CDC14A: variants seen among roughly 807,000 people sequenced by gnomAD.
CDC14A encodes dual specificity protein phosphatase CDC14A.
Under a neutral mutation model 74.4 loss-of-function variants are expected in CDC14A, and 53 were observed. That is an observed-to-expected ratio of 0.71 (90% CI 0.57 to 0.89). The LOEUF (loss-of-function observed/expected upper bound fraction) is 0.89. Among genes scored for constraint, CDC14A ranks in the 40% least tolerant of loss-of-function variants. The pLI is 0.00. For missense variants in CDC14A, 646 were observed against 713.7 expected, an observed-to-expected ratio of 0.91 and a Z score of 1.08; for synonymous variants, 247 against 258.4, an observed-to-expected ratio of 0.96 and a Z score of 0.43.
intron 3 of CDC14A, among the ~76,000 whole-genome samples, chr1:100,389,166 G>A (rs1287648435): frequency 8.5e-6 from 1 of 117,616 alleles, no homozygotes; most frequent in East Asian, 2.4e-4. Context: ...GGGTGACAGA[G>A]CAAGACCCTG....
At chr1:100,354,095 A>C (rs1056701180) in intron 2 of CDC14A, among the ~76,000 whole-genome samples, 14 of 152,182 alleles carry the variant, frequency 9.2e-5, no homozygotes, top group African/African-American at 2.9e-4. Context: ...ACCACAACAA[A>C]CAGCAACTGG....
In CDC14A at chr1:100,383,148, G is replaced by C. The variant is rs540998015; in HGVS notation, c.216+5527G>C. On this transcript the variant is annotated intron_variant, in intron 3 of 15. Transcript: ENST00000336454. Reference sequence around the variant, plus strand: ...CAAAGCAATGTCAACTCCCATAGGAGCGAGCATATACCGAGTTTGCAAGGC... The same window carrying C: ...CAAAGCAATGTCAACTCCCATAGGACCGAGCATATACCGAGTTTGCAAGGC... Among the ~76,000 whole-genome samples the C allele has an allele frequency of 2.0e-5, 3 of 152,286 alleles. No individual in the cohort carries two copies. The South Asian group carries it at 6.2e-4, about 32-fold the overall frequency.
At position 100,352,880 on chromosome 1, in the gene CDC14A, A is replaced by C. The variant is rs1651273506; in HGVS notation, c.-75A>C. On this transcript the variant is annotated 5_prime_UTR_variant, in exon 1 of 16. Transcript: ENST00000336454. ...ACTGTGAGCTTCCTGGCTCCTGGGC[A>C]GTGGGGAAGCCCCCGGGGGCGAGTG... 6.2e-7 allele frequency: 1 copy of C among 1,609,024 alleles called. No individual in the cohort carries two copies. The highest frequency in any genetic ancestry group is 8.5e-7 in the Non-Finnish European group (1 of 1,178,346).
chr1:100,441,374 C>G (rs985272868), intron 6 of CDC14A, among the ~76,000 whole-genome samples: 4 of 152,128 alleles, frequency 2.6e-5, no homozygotes, highest in African/African-American at 4.8e-5. Flanking sequence ...CATAAGGCAC[C>G]ATATTCTGGG....
At chr1:100,399,078 A>G (rs1658916789) in intron 4 of CDC14A, among the ~76,000 whole-genome samples, 1 of 152,320 alleles carries the variant, frequency 6.6e-6, no homozygotes, top group East Asian at 1.9e-4. Flanking sequence ...TTCCCTTACA[A>G]TTAAAAAAAC....
chr1:100,474,546 A>G (rs1668704231), intron 10 of CDC14A, among the ~76,000 whole-genome samples: 1 of 151,326 alleles, frequency 6.6e-6, no homozygotes, highest in African/African-American at 2.4e-5. Context: ...GAATTATGGT[A>G]GTTTGTTTTT....
chr1:100,515,693 C>T (rs7535332), intron 15 of CDC14A, among the ~76,000 whole-genome samples: 135,379 of 152,182 alleles, frequency 0.89, 62,112 homozygotes, highest in Non-Finnish European at 1. Flanking sequence ...CTTAGTGCAT[C>T]TGTATTAAGA....
In CDC14A at chr1:100,434,248, G is replaced by A. The variant is rs148681953; in HGVS notation, c.390-5684G>A. Among the ~76,000 whole-genome samples, 262 of 152,280 alleles carry A rather than the reference G, an allele frequency of 1.7e-3. 3 individuals carry two copies. In the East Asian group the frequency reaches 0.022, roughly 13 times the overall value. On this transcript the variant is annotated intron_variant, in intron 5 of 15. Coordinates refer to ENST00000336454, the MANE Select transcript of CDC14A (RefSeq NM_003672.4). ...TAGAAAGATAGAATTGTGGCCAGGC[G>A]TGGTGGTTTGAAGGTTGAGGAGGGT...
At chr1:100,396,117 G>T (rs1658438992) in intron 4 of CDC14A, among the ~76,000 whole-genome samples, 2 of 152,132 alleles carry the variant, frequency 1.3e-5, no homozygotes, top group African/African-American at 2.4e-5. Flanking sequence ...TTTGTTCGTC[G>T]CTGTGTGTGG....
rs537442810 is a variant in CDC14A at position 100,372,426 on chromosome 1, A to G, written c.141-5120A>G. On this transcript the variant is annotated intron_variant, in intron 2 of 15. Transcript: ENST00000336454. Reference sequence around the variant, plus strand: ...GTTAATCCTCTCAAACCCTGGGGCTACTTTATCAACTAAGTATGTGTAACA... The same window carrying G: ...GTTAATCCTCTCAAACCCTGGGGCTGCTTTATCAACTAAGTATGTGTAACA... Among the ~76,000 whole-genome samples the G allele has an allele frequency of 2.0e-4, 30 of 152,334 alleles. 1 individual carries two copies. The East Asian group carries it at 4.8e-3, about 24-fold the overall frequency.
intron 15 of CDC14A, among the ~76,000 whole-genome samples, chr1:100,514,866 T>C (rs1363618466): frequency 6.6e-6 from 1 of 152,218 alleles, no homozygotes; most frequent in Non-Finnish European, 1.5e-5. Flanking sequence ...CGAAAATCAA[T>C]AGCAATAATA....
chr1:100,486,836 A>G (rs979054117), intron 11 of CDC14A, among the ~76,000 whole-genome samples: 2 of 152,212 alleles, frequency 1.3e-5, no homozygotes, highest in Non-Finnish European at 2.9e-5. Flanking sequence ...GGGCCCTAGG[A>G]CTACTTTATT....
At chr1:100,415,470 A>C (rs1326226466) in intron 4 of CDC14A, among the ~76,000 whole-genome samples, 1 of 152,206 alleles carries the variant, frequency 6.6e-6, no homozygotes, top group African/African-American at 2.4e-5. Flanking sequence ...ATGTCTATAG[A>C]GACCTGATGT....
At chr1:100,473,926 C>G (rs1557800087) in intron 10 of CDC14A, among the ~76,000 whole-genome samples, 1 of 152,026 alleles carries the variant, frequency 6.6e-6, no homozygotes, top group Non-Finnish European at 1.5e-5. Flanking sequence ...TGTCGTGCTC[C>G]CAGTCTTGGA....
At chr1:100,420,721 C>T (rs1030254387) in intron 4 of CDC14A, among the ~76,000 whole-genome samples, 5 of 152,016 alleles carry the variant, frequency 3.3e-5, no homozygotes, top group Admixed American at 2.0e-4. Context: ...CATGGTGGTA[C>T]CTACGGCAGA....
chr1:100,357,921 T>C (rs1050957496), intron 2 of CDC14A, among the ~76,000 whole-genome samples: 3 of 152,226 alleles, frequency 2.0e-5, no homozygotes, highest in Admixed American at 1.3e-4. Flanking sequence ...CATTCCATGA[T>C]TGAAATGTCA....
intron 4 of CDC14A, among the ~76,000 whole-genome samples, chr1:100,401,796 T>A (rs1433515356): frequency 6.6e-6 from 1 of 152,134 alleles, no homozygotes; most frequent in Non-Finnish European, 1.5e-5. Flanking sequence ...CCCAGCACTT[T>A]GGGAGGCCAA....
chr1:100,470,921 T>G (rs7520854), intron 10 of CDC14A, among the ~76,000 whole-genome samples: 1 of 152,106 alleles, frequency 6.6e-6, no homozygotes, highest in South Asian at 2.1e-4. Flanking sequence ...TGATTTCATT[T>G]CTAGGTATTT....
intron 9 of CDC14A, among the ~76,000 whole-genome samples, chr1:100,466,849 A>G (rs933407652): frequency 2.3e-4 from 34 of 149,202 alleles, no homozygotes; most frequent in Middle Eastern, 3.4e-3. Context: ...CAGCCTGGGC[A>G]ACAGCAGCAA....
Sources: gnomAD v4.1 joint callset for allele counts (sites outside exome capture counted in the v4.1 genomes callset) on GRCh38, gnomAD v4.1.1 for gene constraint, MANE v1.5 for transcripts, NCBI Gene and HGNC (gene_info 2026-07-23, HGNC 2026-07-21) for gene names.